PUDP: variants seen among roughly 807,000 people sequenced by gnomAD.
PUDP encodes pseudouridine-5'-phosphatase.
PUDP carries 8 observed loss-of-function variants against 9.4 expected under a neutral mutation model. That is an observed-to-expected ratio of 0.85 (90% confidence interval 0.50 to 1.53). The LOEUF (loss-of-function observed/expected upper bound fraction) is 1.53. Ranked by LOEUF, PUDP falls within the 40% of genes most tolerant of loss-of-function variation. The pLI, the probability that PUDP is intolerant of heterozygous loss-of-function variation, is 0.00. For synonymous variants in PUDP, 99 were observed against 80.7 expected (o/e 1.23, Z -1.22); for missense variants, 188 against 189.7 (o/e 0.99, Z 0.05).
Position 6,901,742 on chromosome X carries a change from A to G in PUDP, c.*247+75391T>C, listed in dbSNP as rs1237449590. Among the ~76,000 whole-genome samples the G allele has an allele frequency of 2.7e-5, 3 of 113,078 alleles. 1 individual carries two copies. Among genetic ancestry groups the G allele is most frequent in the Non-Finnish European group, 3.7e-5 (2 of 53,408 alleles). The stretch of plus-strand genomic sequence containing the variant: ...TATAAGAGGAAACGGTATTGCCACA[A>G]AGACCCTGCATTGGGCAGGGAGACA... On this transcript the variant is annotated intron_variant and NMD_transcript_variant, in intron 3 of 3. Coordinates refer to the PUDP transcript ENST00000655425.
intron 1 of PUDP, among the ~76,000 whole-genome samples, chrX:7,020,808 T>C (rs1602716798): frequency 8.9e-6 from 1 of 112,602 alleles, no homozygotes; most frequent in Admixed American, 9.3e-5. Context: ...CCATCCCAAA[T>C]ACTGGCCAAT....
chrX:6,996,565 T>C (rs1929252496), intron 1 of PUDP, among the ~76,000 whole-genome samples: 1 of 107,700 alleles, frequency 9.3e-6, no homozygotes. Context: ...CTCATATATA[T>C]ATACACATAT....
intron 3 of PUDP, among the ~76,000 whole-genome samples, chrX:6,795,044 T>A (rs1209856731): frequency 9.2e-6 from 1 of 108,506 alleles, no homozygotes; most frequent in Non-Finnish European, 1.9e-5. Context: ...CATCTTTAAT[T>A]TTTTTTTACT....
chrX:6,733,770 CTTTTTTTTTT>C (rs3046297), intron 3 of PUDP, among the ~76,000 whole-genome samples: 4 of 46,264 alleles, frequency 8.6e-5, no homozygotes, highest in African/African-American at 1.1e-4. Flanking sequence ...AAAGCAAAGC[CTTTTTTTTTT>C]TTTTTTTTTT....
chrX:6,885,615 C>T (rs1310844886), intron 3 of PUDP, among the ~76,000 whole-genome samples: 1 of 112,141 alleles, frequency 8.9e-6, no homozygotes, highest in Admixed American at 9.5e-5. Context: ...TGCTGGAATC[C>T]AGCCTTACTC....
At chrX:6,970,984 G>A (rs1467296198) in intron 3 of PUDP, among the ~76,000 whole-genome samples, 1 of 110,896 alleles carries the variant, frequency 9.0e-6, no homozygotes, top group Non-Finnish European at 1.9e-5. Flanking sequence ...CTGGGAGGTG[G>A]AGGTTGCAGT....
chrX:6,774,040 GA>G (rs1171462316), intron 3 of PUDP, among the ~76,000 whole-genome samples: 1 of 111,519 alleles, frequency 9.0e-6, no homozygotes, highest in East Asian at 2.8e-4. Context: ...TCAGCAGGCT[GA>G]GGCAGGAGAA....
chrX:6,740,230 AT>A (rs1416912282), intron 3 of PUDP, among the ~76,000 whole-genome samples: 1 of 111,145 alleles, frequency 9.0e-6, no homozygotes, highest in Admixed American at 9.6e-5. Flanking sequence ...GGTGTTTGTT[AT>A]TTTATTTTAT....
At chrX:6,937,187 C>A (rs1360843878) in intron 3 of PUDP, among the ~76,000 whole-genome samples, 5 of 78,806 alleles carry the variant, frequency 6.3e-5, no homozygotes, top group Non-Finnish European at 9.9e-5. Context: ...AATCCTAAGC[C>A]AAAAGAACAA....
At chrX:6,884,393 G>T (rs1927392960) in intron 3 of PUDP, among the ~76,000 whole-genome samples, 1 of 111,619 alleles carries the variant, frequency 9.0e-6, no homozygotes, top group African/African-American at 3.3e-5. Context: ...TTTCCAAGGT[G>T]CATACTGTCA....
At chrX:6,908,449 T>G (rs1222880686) in intron 3 of PUDP, among the ~76,000 whole-genome samples, 1 of 111,765 alleles carries the variant, frequency 8.9e-6, no homozygotes, top group Non-Finnish European at 1.9e-5. Flanking sequence ...TGCTTATGGT[T>G]TATTACAGGG....
At position 6,961,166 on chromosome X, in the gene PUDP, G is replaced by A. The variant is rs533808483; in HGVS notation, c.*247+15967C>T. On this transcript the variant is annotated intron_variant and NMD_transcript_variant, in intron 3 of 3. Transcript: ENST00000655425. ...TGTAATCCCAGCACTTTGGGAGGAC[G>A]AGGTAGGTGGATTGCTTGAGCCCAG... Among the ~76,000 whole-genome samples the A allele has an allele frequency of 1.9e-4, 21 of 111,485 alleles. No homozygotes were observed. The South Asian group carries it at 6.1e-3, about 32-fold the overall frequency.
intron 1 of PUDP, among the ~76,000 whole-genome samples, chrX:7,110,841 T>C (rs888750627): frequency 1.8e-5 from 2 of 110,940 alleles, no homozygotes; most frequent in Non-Finnish European, 3.8e-5. Flanking sequence ...GTCAATCAGT[T>C]AGGGTGGGGC....
chrX:7,089,514 C>T (rs12839123), intron 2 of PUDP, among the ~76,000 whole-genome samples: 20 of 111,573 alleles, frequency 1.8e-4, no homozygotes, highest in Non-Finnish European at 1.1e-4. Flanking sequence ...GGCTCCACTA[C>T]TTCACATCCG....
At chrX:7,109,044 CTGAG>C (rs1290197775) in intron 1 of PUDP, among the ~76,000 whole-genome samples, 3 of 111,898 alleles carry the variant, frequency 2.7e-5, no homozygotes, top group Non-Finnish European at 5.6e-5. Context: ...AAGTAACAAC[CTGAG>C]TAACTCAAGG....
intron 3 of PUDP, among the ~76,000 whole-genome samples, chrX:6,778,388 C>G (rs1925502209): frequency 8.9e-6 from 1 of 112,556 alleles, no homozygotes; most frequent in African/African-American, 3.2e-5. Flanking sequence ...ACGAGGCATG[C>G]AAATCTATTT....
intron 2 of PUDP, among the ~76,000 whole-genome samples, chrX:7,095,546 T>C (rs1208962015): frequency 2.7e-5 from 3 of 112,067 alleles, no homozygotes; most frequent in African/African-American, 9.7e-5. Context: ...CCCAACACCC[T>C]GGGTAGATCT....
intron 3 of PUDP, among the ~76,000 whole-genome samples, chrX:6,933,501 A>C (rs1236882523): frequency 9.1e-6 from 1 of 110,050 alleles, no homozygotes; most frequent in Non-Finnish European, 1.9e-5. Flanking sequence ...CCATCATCAA[A>C]GACCAAAAGT....
intron 1 of PUDP, among the ~76,000 whole-genome samples, chrX:6,985,845 G>C (rs1879446895): frequency 9.0e-6 from 1 of 111,590 alleles, no homozygotes; most frequent in Non-Finnish European, 1.9e-5. Context: ...GGTAAAATAA[G>C]GCTGAAACCT....
Sources: gnomAD v4.1 joint callset for allele counts (sites outside exome capture counted in the v4.1 genomes callset) on GRCh38, gnomAD v4.1.1 for gene constraint, MANE v1.5 for transcripts, NCBI Gene and HGNC (gene_info 2026-07-23, HGNC 2026-07-21) for gene names.